TYW1B: variants seen among roughly 807,000 people sequenced by gnomAD.
The protein encoded by TYW1B is S-adenosyl-L-methionine-dependent tRNA 4-demethylwyosine synthase TYW1B.
In TYW1B, 73 loss-of-function variants were observed where a neutral mutation model predicts 86.9. The ratio of observed to expected loss-of-function variants is 0.84; its 90% confidence interval spans 0.70 to 1.02. TYW1B has a LOEUF of 1.02. TYW1B is among the 50% of genes least tolerant of loss of function. TYW1B has a pLI of 0.00. For missense variants in TYW1B, 637 were observed against 827.4 expected, an observed-to-expected ratio of 0.77 and a Z score of 2.82; for synonymous variants, 248 against 292.8, an observed-to-expected ratio of 0.85 and a Z score of 1.56.
chr7:72,668,096 C>T (rs781797745), intron 11 of TYW1B, among the ~76,000 whole-genome samples: 3 of 152,180 alleles, frequency 2.0e-5, no homozygotes, highest in Non-Finnish European at 4.4e-5. Flanking sequence ...GAAATGTCTA[C>T]TGAATTAATG....
At chr7:72,761,817 C>T (rs1954707) in intron 7 of TYW1B, among the ~76,000 whole-genome samples, 104,119 of 151,278 alleles carry the variant, frequency 0.69, 36,717 homozygotes, top group Non-Finnish European at 0.77. Context: ...TCTCGTATGA[C>T]ACATTTTTGT....
intron 11 of TYW1B, among the ~76,000 whole-genome samples, chr7:72,653,887 C>T (rs1269662716): frequency 2.0e-5 from 3 of 151,858 alleles, no homozygotes; most frequent in African/African-American, 7.2e-5. Context: ...TGAGACCAGC[C>T]CAACCAACAT....
intron 11 of TYW1B, among the ~76,000 whole-genome samples, chr7:72,685,159 T>C (rs576071577): frequency 4.0e-5 from 6 of 151,388 alleles, no homozygotes; most frequent in African/African-American, 1.5e-4. Flanking sequence ...CATAAAGTAC[T>C]TGTCCTACTC....
At chr7:72,660,769 T>G (rs537812149) in intron 11 of TYW1B, among the ~76,000 whole-genome samples, 32 of 152,180 alleles carry the variant, frequency 2.1e-4, no homozygotes, top group African/African-American at 7.5e-4. Context: ...CAGTAGAAGG[T>G]TCTGGATTAC....
intron 7 of TYW1B, among the ~76,000 whole-genome samples, chr7:72,745,062 T>C (rs1453647898): frequency 6.6e-6 from 1 of 152,178 alleles, no homozygotes; most frequent in Non-Finnish European, 1.5e-5. Context: ...TCTTGCTCTG[T>C]TCCTCAGGCT....
At chr7:72,708,185 A>G (rs1196499871) in intron 10 of TYW1B, among the ~76,000 whole-genome samples, 2 of 152,186 alleles carry the variant, frequency 1.3e-5, no homozygotes, top group Non-Finnish European at 2.9e-5. Context: ...AAACCCTTTT[A>G]GGGAAAGGTT....
At chr7:72,619,051 G>A (rs2129568467) in intron 12 of TYW1B, among the ~76,000 whole-genome samples, 1 of 152,240 alleles carries the variant, frequency 6.6e-6, no homozygotes, top group Middle Eastern at 3.4e-3. Flanking sequence ...TGATCAAACA[G>A]ACAACTGCGC....
rs59438928 is a variant in TYW1B, at chr7:72,711,473, C to CTTTTTTTTTTTT, written c.1370+2136_1370+2147dup. Among the ~76,000 whole-genome samples, 365 of 56,964 alleles carry CTTTTTTTTTTTT rather than the reference C, an allele frequency of 6.4e-3. 72 individuals are homozygous for CTTTTTTTTTTTT. Among genetic ancestry groups the CTTTTTTTTTTTT allele is most frequent in the Non-Finnish European group, 7.6e-3 (254 of 33,348 alleles). The allele number at this position is 56,964 out of a possible 152,430, so 37.4% of individuals were successfully genotyped here. A position where few individuals can be genotyped will look rare whatever the true frequency, so the allele number is the denominator to read the frequency against. Reference sequence around the variant, plus strand: ...CTTCGTGTTTCTCTCCTCTTTAATTCTTTTTTTTTTTTTTTTTTTTTTTTT... The same window carrying CTTTTTTTTTTTT: ...CTTCGTGTTTCTCTCCTCTTTAATTCTTTTTTTTTTTTTTTTTTTTTTTTTTTTTTTTTTTTT... On this transcript the variant is annotated intron_variant, in intron 10 of 13. Transcript: ENST00000620995.
At chr7:72,766,118 T>C (rs185089190) in intron 7 of TYW1B, among the ~76,000 whole-genome samples, 3 of 152,344 alleles carry the variant, frequency 2.0e-5, no homozygotes, top group Admixed American at 6.5e-5. Flanking sequence ...TTACAAGCTG[T>C]ACACCTGGAT....
At chr7:72,808,156 G>A (rs868916975) in intron 4 of TYW1B, among the ~76,000 whole-genome samples, 1 of 151,750 alleles carries the variant, frequency 6.6e-6, no homozygotes, top group Non-Finnish European at 1.5e-5. Context: ...TAATTTATTT[G>A]AAAATATGGG....
chr7:72,777,301 TA>T, intron 7 of TYW1B, 114 bp downstream of exon 7: 1 of 1,250,414 alleles, frequency 8.0e-7, no homozygotes, highest in Non-Finnish European at 1.1e-6. Flanking sequence ...TTTAGACTGT[TA>T]TATCTGCCAC....
chr7:72,665,014 T>C (rs1453610298), intron 11 of TYW1B, among the ~76,000 whole-genome samples: 1 of 152,202 alleles, frequency 6.6e-6, no homozygotes, highest in Non-Finnish European at 1.5e-5. Flanking sequence ...TATTGTTATT[T>C]TTTTCTGAAT....
intron 11 of TYW1B, among the ~76,000 whole-genome samples, chr7:72,680,719 A>G (rs779401496): frequency 1.3e-5 from 2 of 152,170 alleles, no homozygotes; most frequent in Non-Finnish European, 2.9e-5. Context: ...ATGGAATGAT[A>G]AACACCAAAC....
At chr7:72,791,633 T>C (rs1263605379) in intron 6 of TYW1B, among the ~76,000 whole-genome samples, 2 of 152,028 alleles carry the variant, frequency 1.3e-5, no homozygotes, top group Admixed American at 1.3e-4. Flanking sequence ...AAAAATTAGC[T>C]GGGCATGGTG....
At chr7:72,768,554 G>A (rs1247473539) in intron 7 of TYW1B, among the ~76,000 whole-genome samples, 1 of 152,086 alleles carries the variant, frequency 6.6e-6, no homozygotes, top group Non-Finnish European at 1.5e-5. Context: ...TTGGGAGGCC[G>A]AGGCGGGCGG....
intron 11 of TYW1B, among the ~76,000 whole-genome samples, chr7:72,636,049 C>T (rs1295168034): frequency 6.6e-6 from 1 of 152,210 alleles, no homozygotes; most frequent in Non-Finnish European, 1.5e-5. Flanking sequence ...AGAAATGATA[C>T]TTTTACAACC....
At chr7:72,712,196 T>C (rs1263046544) in intron 10 of TYW1B, among the ~76,000 whole-genome samples, 4 of 152,098 alleles carry the variant, frequency 2.6e-5, no homozygotes, top group Admixed American at 2.6e-4. Context: ...ACAAGAGCCC[T>C]CTGCTGTTAT....
At chr7:72,733,656 G>A (rs1311477222) in intron 8 of TYW1B, among the ~76,000 whole-genome samples, 2 of 152,038 alleles carry the variant, frequency 1.3e-5, no homozygotes, top group African/African-American at 2.4e-5. Context: ...GCGAGACTCC[G>A]TCTCAAAGAA....
chr7:72,645,977 T>A (rs1433926397), intron 11 of TYW1B, among the ~76,000 whole-genome samples: 3 of 148,324 alleles, frequency 2.0e-5, no homozygotes, highest in East Asian at 3.9e-4. Context: ...ATTATATATA[T>A]TACATATGTT....
Sources: allele counts gnomAD v4.1 joint callset (sites outside exome capture counted in the v4.1 genomes callset), GRCh38; gene constraint gnomAD v4.1.1; transcripts MANE v1.5; gene names NCBI Gene and HGNC (gene_info 2026-07-23, HGNC 2026-07-21).